REV3L: variants seen among roughly 807,000 people sequenced by gnomAD.
REV3L encodes DNA polymerase zeta catalytic subunit.
REV3L carries 69 observed loss-of-function variants against 299.4 expected under a neutral mutation model. The observed-to-expected ratio is 0.23, with a 90% confidence interval of 0.19 to 0.28. The LOEUF (loss-of-function observed/expected upper bound fraction) is 0.28, where lower values mean the gene tolerates loss of function less well. REV3L is among the 10% of genes least tolerant of loss of function. The pLI is 1.00. For missense variants in REV3L, 3,128 were observed against 3,693.8 expected (o/e 0.85, Z 3.97); for synonymous variants, 1,238 against 1,271.4 (o/e 0.97, Z 0.56).
intron 1 of REV3L, among the ~76,000 whole-genome samples, chr6:111,420,280 C>T (rs1785186394): frequency 2.0e-5 from 3 of 152,136 alleles, no homozygotes; most frequent in Admixed American, 2.0e-4. Flanking sequence ...ATATGGTATA[C>T]AACATGAAAC....
chr6:111,380,383 C>G (rs945684975), intron 10 of REV3L, among the ~76,000 whole-genome samples, 164 bp from the exon 11 acceptor site: 1 of 152,044 alleles, frequency 6.6e-6, no homozygotes, highest in Non-Finnish European at 1.5e-5. Context: ...CCTCAGCCTC[C>G]CGAGTAGCTG....
chr6:111,358,116 A>G (rs1275864499), intron 17 of REV3L, among the ~76,000 whole-genome samples: 6 of 152,242 alleles, frequency 3.9e-5, no homozygotes, highest in African/African-American at 1.4e-4. Context: ...GCAGAGGGAC[A>G]GTAGGTATTT....
intron 20 of REV3L, among the ~76,000 whole-genome samples, chr6:111,348,222 G>T (rs1777220440): frequency 6.6e-6 from 1 of 152,104 alleles, no homozygotes; most frequent in Non-Finnish European, 1.5e-5. Context: ...CAAAGAGTTG[G>T]GATTAGAGGT....
intron 1 of REV3L, among the ~76,000 whole-genome samples, chr6:111,467,481 T>A (rs1475827291): frequency 6.6e-6 from 1 of 152,218 alleles, no homozygotes; most frequent in Non-Finnish European, 1.5e-5. Context: ...TAGGTTAAGG[T>A]TGGCTGAACA....
chr6:111,411,988 C>T, intron 2 of REV3L: 3 of 985,370 alleles, frequency 3.0e-6, no homozygotes, highest in Non-Finnish European at 3.6e-6. Context: ...CTTCTGGCTC[C>T]CATTTTTTTG....
At chr6:111,342,088 C>T (rs1026158473) in intron 21 of REV3L, among the ~76,000 whole-genome samples, 1 of 152,202 alleles carries the variant, frequency 6.6e-6, no homozygotes, top group Non-Finnish European at 1.5e-5. Flanking sequence ...TTGAATCCTA[C>T]ATCAAGTTGG....
chr6:111,326,377 T>A (rs954816397), intron 25 of REV3L, among the ~76,000 whole-genome samples: 1 of 151,974 alleles, frequency 6.6e-6, no homozygotes, highest in African/African-American at 2.4e-5. Context: ...CATTACTAAT[T>A]AGAGAAATGC....
intron 27 of REV3L, among the ~76,000 whole-genome samples, chr6:111,314,432 G>A (rs1259058317): frequency 6.6e-6 from 1 of 152,154 alleles, no homozygotes; most frequent in Non-Finnish European, 1.5e-5. Context: ...TTCACACCTA[G>A]AACCCAACCC....
intron 1 of REV3L, among the ~76,000 whole-genome samples, chr6:111,432,886 AC>A (rs966100392): frequency 6.6e-6 from 1 of 152,216 alleles, no homozygotes; most frequent in African/African-American, 2.4e-5. Context: ...GAAATTAATA[AC>A]AAAAGGAAGC....
At chr6:111,398,596 T>C (rs1782767976) in intron 4 of REV3L, among the ~76,000 whole-genome samples, 1 of 143,944 alleles carries the variant, frequency 6.9e-6, no homozygotes, top group Admixed American at 7.3e-5. Context: ...ATTTTCATTT[T>C]TGAATGTATT....
rs568346743 is a variant in REV3L at position 111,464,117 on chromosome 6, T to A, written c.139+18633A>T. Among the ~76,000 whole-genome samples the A allele has an allele frequency of 1.3e-3, 189 of 145,920 alleles. 4 individuals are homozygous for A. The South Asian group carries it at 0.025, about 19-fold the overall frequency. On this transcript the variant is annotated intron_variant, in intron 1 of 31. Transcript: ENST00000368802. ...AATAAATAAATAAATAACAAAAATT[T>A]AAAAAAAAAAACTGTTTCAGGTTAT... is the stretch of plus-strand genomic sequence containing the variant.
At chr6:111,385,153 C>CA (rs1329451728) in intron 9 of REV3L, among the ~76,000 whole-genome samples, 2 of 149,980 alleles carry the variant, frequency 1.3e-5, no homozygotes, top group African/African-American at 4.9e-5. Flanking sequence ...TTAATGAGTA[C>CA]AAAAAAATAG....
chr6:111,328,844 C>A (rs773503970), intron 25 of REV3L, among the ~76,000 whole-genome samples: 2 of 152,156 alleles, frequency 1.3e-5, no homozygotes, highest in African/African-American at 2.4e-5. Flanking sequence ...TGGCTCACTG[C>A]AACCTTGACT....
intron 27 of REV3L, 123 bp from the exon 28 acceptor site, chr6:111,313,612 T>TTTG: frequency 1.0e-6 from 1 of 963,256 alleles, no homozygotes; most frequent in Non-Finnish European, 1.5e-6. Context: ...TATATATGAC[T>TTTG]TTGGGCCCAA....
At chr6:111,416,094 C>T (rs1174425035) in intron 2 of REV3L, among the ~76,000 whole-genome samples, 189 bp downstream of exon 2, 3 of 152,072 alleles carry the variant, frequency 2.0e-5, no homozygotes, top group African/African-American at 4.8e-5. Flanking sequence ...AAGGAAACAA[C>T]AAAAATCACT....
rs1780168672 is a variant in REV3L at position 111,375,103 on chromosome 6, A to T, written c.3252T>A (p.Ile1084=). 6.2e-7 allele frequency: 1 copy of T among 1,613,222 alleles called. No individual in the cohort carries two copies. The highest frequency in any genetic ancestry group is 2.2e-5 in the East Asian group (1 of 44,866). The change falls in exon 13 of 32, where the codon ATT becomes ATA. Residue 1084 remains isoleucine (I), a synonymous_variant. Coordinates refer to ENST00000368802, the MANE Select transcript of REV3L (RefSeq NM_001372078.1). ...LSFRKKRSHA[I]LSPPSPSYNA... The stretch of plus-strand genomic sequence containing the variant: ...TGTAAGATGGTGAGGGAGGAGAAAG[A>T]ATAGCATGTGACCGTTTTTTCCTGA...
intron 31 of REV3L, among the ~76,000 whole-genome samples, chr6:111,300,803 G>A (rs750984622): frequency 2.1e-4 from 32 of 152,148 alleles, no homozygotes; most frequent in Non-Finnish European, 3.7e-4. Flanking sequence ...GATGTATATC[G>A]CCTCAGGACC....
intron 1 of REV3L, among the ~76,000 whole-genome samples, chr6:111,445,688 A>C (rs2128311853): frequency 6.6e-6 from 1 of 152,336 alleles, no homozygotes; most frequent in South Asian, 2.1e-4. Flanking sequence ...ACAGAGATGG[A>C]AACAAAATGC....
intron 4 of REV3L, among the ~76,000 whole-genome samples, chr6:111,393,853 C>A (rs1782197988): frequency 6.6e-6 from 1 of 152,014 alleles, no homozygotes; most frequent in African/African-American, 2.4e-5. Flanking sequence ...TTTTTTAGTT[C>A]CCACATCAGT....
Sources: allele counts gnomAD v4.1 joint callset (sites outside exome capture counted in the v4.1 genomes callset), GRCh38; gene constraint gnomAD v4.1.1; transcripts MANE v1.5; gene names NCBI Gene and HGNC (gene_info 2026-07-23, HGNC 2026-07-21).